Variants in SYT9 observed in about 807,000 individuals in gnomAD.
The protein encoded by SYT9 is synaptotagmin 9.
SYT9 carries 22 observed loss-of-function variants against 48.4 expected under a neutral mutation model. The ratio of observed to expected loss-of-function variants is 0.45; its 90% CI spans 0.32 to 0.65. The LOEUF (loss-of-function observed/expected upper bound fraction) is 0.65, where lower values mean the gene tolerates loss of function less well. Among genes scored for constraint, SYT9 ranks in the 30% least tolerant of loss-of-function variants. SYT9 has a pLI of 0.03. For missense variants in SYT9, 577 were observed against 622.0 expected (o/e 0.93, Z 0.77); for synonymous variants, 265 against 245.0 (o/e 1.08, Z -0.76).
At chr11:7,257,046 C>T (rs531224750) in intron 1 of SYT9, among the ~76,000 whole-genome samples, 14 of 152,204 alleles carry the variant, frequency 9.2e-5, no homozygotes, top group African/African-American at 2.6e-4. Context: ...CACCCTAGAC[C>T]AGTTTTAAAT....
intron 1 of SYT9, among the ~76,000 whole-genome samples, chr11:7,242,324 G>C (rs1273039152): frequency 2.0e-5 from 3 of 152,138 alleles, no homozygotes; most frequent in Admixed American, 2.0e-4. Context: ...CTTTTCCCTG[G>C]ACCCATCTGG....
intron 3 of SYT9, among the ~76,000 whole-genome samples, chr11:7,349,076 G>T (rs1309276089): frequency 6.6e-6 from 1 of 151,958 alleles, no homozygotes; most frequent in African/African-American, 2.4e-5. Flanking sequence ...TTCCAAATGA[G>T]TCATAAAACT....
intron 3 of SYT9, among the ~76,000 whole-genome samples, chr11:7,332,405 T>C (rs1472855700): frequency 1.3e-5 from 2 of 152,210 alleles, no homozygotes; most frequent in Non-Finnish European, 2.9e-5. Flanking sequence ...CCAATGCTCA[T>C]AGCCGCTAAG....
Position 7,466,900 on chromosome 11 carries a change from C to A in SYT9, c.*100C>A. On this transcript the variant is annotated 3_prime_UTR_variant, in exon 7 of 7. Transcript: ENST00000318881. ...CCATCCAGCAACATCCAGACGATTTCAGTGACCAAATGCTCAGCTGTAACC... is the reference window on the plus strand; with the variant it reads ...CCATCCAGCAACATCCAGACGATTTAAGTGACCAAATGCTCAGCTGTAACC... 7.0e-7 allele frequency: 1 copy of A among 1,437,472 alleles called. No homozygotes were observed. The highest frequency in any genetic ancestry group is 1.2e-5 in the South Asian group (1 of 82,464). 89.0% of individuals were successfully genotyped at this position (1,437,472 alleles called of 1,614,324 possible).
intron 2 of SYT9, among the ~76,000 whole-genome samples, chr11:7,312,610 A>G (rs1849161082): frequency 6.6e-6 from 1 of 152,232 alleles, no homozygotes; most frequent in Non-Finnish European, 1.5e-5. Flanking sequence ...GAAGAAGACT[A>G]TACTACAGTT....
chr11:7,455,194 T>A (rs1425268751), intron 6 of SYT9, among the ~76,000 whole-genome samples: 1 of 68,074 alleles, frequency 1.5e-5, no homozygotes, highest in Non-Finnish European at 3.0e-5. Context: ...TGTTTCTGTC[T>A]CTTTCACTGA....
intron 6 of SYT9, chr11:7,441,123 C>T (rs1847822718): frequency 6.6e-6 from 1 of 152,262 alleles, no homozygotes; most frequent in African/African-American, 2.4e-5. Flanking sequence ...AACTGGCACC[C>T]AAACATGTCA....
intron 3 of SYT9, among the ~76,000 whole-genome samples, chr11:7,319,389 CATTATAAAACTAT>C (rs1849300917): frequency 6.6e-6 from 1 of 151,668 alleles, no homozygotes; most frequent in African/African-American, 2.4e-5. Context: ...TTGATTTTGC[CATTATAAAACTAT>C]CATTTCATTG....
chr11:7,421,284 T>A (rs1349687435), intron 6 of SYT9, among the ~76,000 whole-genome samples: 1 of 151,772 alleles, frequency 6.6e-6, no homozygotes, highest in East Asian at 2.0e-4. Context: ...CATTATACAA[T>A]ATGGCTGCTA....
upstream of SYT9, among the ~76,000 whole-genome samples, chr11:7,251,790 G>A (rs114076179): frequency 4.9e-3 from 739 of 152,206 alleles, 1 homozygote; most frequent in African/African-American, 0.016. Flanking sequence ...GAGCCGGGGA[G>A]TACCCCAGGT....
chr11:7,328,214 AT>A (rs989485932), intron 3 of SYT9, among the ~76,000 whole-genome samples: 2 of 151,808 alleles, frequency 1.3e-5, no homozygotes, highest in South Asian at 4.2e-4. Flanking sequence ...GTATAGCTGG[AT>A]TTTTTTTAAA....
chr11:7,431,896 G>A (rs984728437), intron 6 of SYT9, among the ~76,000 whole-genome samples: 1 of 152,244 alleles, frequency 6.6e-6, no homozygotes, highest in Admixed American at 6.5e-5. Context: ...AAGCCTGAGT[G>A]CCCAGGAAGA....
chr11:7,379,624 T>C (rs1850522826), intron 3 of SYT9, among the ~76,000 whole-genome samples: 1 of 152,266 alleles, frequency 6.6e-6, no homozygotes, highest in South Asian at 2.1e-4. Flanking sequence ...CCCTCCAAAT[T>C]TGTGCTGACA....
intron 3 of SYT9, among the ~76,000 whole-genome samples, chr11:7,358,456 A>C (rs1208608454): frequency 6.6e-6 from 1 of 152,080 alleles, no homozygotes; most frequent in African/African-American, 2.4e-5. Context: ...TATTTTTCTT[A>C]AGTAGGGCAC....
intron 1 of SYT9, among the ~76,000 whole-genome samples, chr11:7,243,539 G>A (rs186247666): frequency 1.3e-5 from 2 of 152,200 alleles, no homozygotes; most frequent in East Asian, 3.9e-4. Context: ...TTTTGTCAAA[G>A]CTTTGTTACT....
At chr11:7,334,854 A>G (rs956460261) in intron 3 of SYT9, among the ~76,000 whole-genome samples, 1 of 152,208 alleles carries the variant, frequency 6.6e-6, no homozygotes, top group Non-Finnish European at 1.5e-5. Flanking sequence ...TTGCATAGAT[A>G]TGCCACTTTT....
chr11:7,256,089 A>C (rs1847963966), intron 1 of SYT9, among the ~76,000 whole-genome samples: 1 of 152,182 alleles, frequency 6.6e-6, no homozygotes, highest in Non-Finnish European at 1.5e-5. Context: ...TTAGGAGGTA[A>C]ACTAGCCTAA....
intron 5 of SYT9, among the ~76,000 whole-genome samples, chr11:7,420,188 C>T (rs1847323936): frequency 6.6e-6 from 1 of 152,154 alleles, no homozygotes; most frequent in South Asian, 2.1e-4. Context: ...TTTCAGATGA[C>T]TCCCTCTTTA....
intron 3 of SYT9, among the ~76,000 whole-genome samples, chr11:7,335,626 T>G (rs542214516): frequency 3.9e-5 from 6 of 152,304 alleles, no homozygotes; most frequent in African/African-American, 1.4e-4. Flanking sequence ...TCCATTCATG[T>G]TCCTCCAGAG....
Sources: allele counts gnomAD v4.1 joint callset (sites outside exome capture counted in the v4.1 genomes callset), GRCh38; gene constraint gnomAD v4.1.1; transcripts MANE v1.5; gene names NCBI Gene and HGNC (gene_info 2026-07-23, HGNC 2026-07-21).